MIGA2: variants seen among roughly 807,000 people sequenced by gnomAD.
The protein encoded by MIGA2 is mitoguardin 2.
MIGA2 carries 36 observed loss-of-function variants against 69.9 expected under a neutral mutation model. The ratio of observed to expected loss-of-function variants is 0.52; its 90% confidence interval spans 0.39 to 0.68. The LOEUF (loss-of-function observed/expected upper bound fraction) is 0.68, where lower values mean the gene tolerates loss of function less well. MIGA2 is among the 30% of genes least tolerant of loss of function. MIGA2 has a pLI of 0.00. For synonymous variants in MIGA2, 333 were observed against 349.2 expected, an observed-to-expected ratio of 0.95 and a Z score of 0.52; for missense variants, 660 against 787.7, an observed-to-expected ratio of 0.84 and a Z score of 1.94.
chr9:129,049,291 C>G, intron 4 of MIGA2, 90 bp from the exon 5 acceptor site: 2 of 1,249,732 alleles, frequency 1.6e-6, no homozygotes, highest in Non-Finnish European at 2.3e-6. Context: ...GCGTGTGGCC[C>G]ATGGTCAGGC....
Position 129,040,571 on chromosome 9 carries a change from T to A in MIGA2, c.-24T>A. The A allele has an allele frequency of 1.2e-6, 2 of 1,602,978 alleles. No individual in the cohort carries two copies. The highest frequency in any genetic ancestry group is 2.2e-5 in the South Asian group (2 of 90,222). On this transcript the variant is annotated 5_prime_UTR_variant, in exon 2 of 16. Transcript: ENST00000684074. ...CTTGGAAGCTCTTGGCCCTGAGGAC[T>A]TTGCCTGGGGCATTGGCCCTGCCAT...
chr9:129,060,467 G>A lies in MIGA2; in HGVS notation c.794-83G>A. The A allele has an allele frequency of 8.6e-7, 1 of 1,160,566 alleles. No homozygotes were observed. 71.9% of individuals were successfully genotyped at this position (1,160,566 alleles called of 1,614,324 possible). A position where few individuals can be genotyped will look rare whatever the true frequency, so the allele number is the denominator to read the frequency against. ...TCGGGATGAAGCCTCCCCTGGGCCTGATGGGGGACTTCGTGTACCGGGATT... is the reference window on the plus strand; with the variant it reads ...TCGGGATGAAGCCTCCCCTGGGCCTAATGGGGGACTTCGTGTACCGGGATT... On this transcript the variant is annotated intron_variant, in intron 7 of 15. Transcript: ENST00000684074. This position sits in a 1 kb window ranked among gnomAD's most constrained non-coding sequence, Gnocchi z 4.8.
chr9:129,038,789 CTTTT>C (rs869238538), intron 1 of MIGA2, among the ~76,000 whole-genome samples: 8 of 89,040 alleles, frequency 9.0e-5, no homozygotes, highest in African/African-American at 1.5e-4. Flanking sequence ...TTTTGTTTGT[CTTTT>C]TTTTTTTTTT....
At position 129,069,054 on chromosome 9, in the gene MIGA2, G is replaced by A. The variant is rs754532036; in HGVS notation, c.1405-22G>A. The stretch of plus-strand genomic sequence containing the variant: ...GGCTAGGCCCATTTTGACACCCGGG[G>A]GACATCCTATTTTTGATGTAGGCCT... On this transcript the variant is annotated intron_variant, in intron 13 of 15. Transcript: ENST00000684074. This position sits in a 1 kb window ranked among gnomAD's most constrained non-coding sequence, Gnocchi z 4.9. The A allele has an allele frequency of 2.5e-6, 4 of 1,613,744 alleles. No individual in the cohort carries two copies. Among genetic ancestry groups the A allele is most frequent in the African/African-American group, 2.7e-5 (2 of 74,910 alleles).
chr9:129,057,862 T>A (rs1052699372), intron 6 of MIGA2, among the ~76,000 whole-genome samples: 1 of 152,114 alleles, frequency 6.6e-6, no homozygotes, highest in African/African-American at 2.4e-5. Flanking sequence ...TGCCTCTGCC[T>A]TCCAAAGTGC....
At chr9:129,044,665 G>A (rs1314297413) in intron 3 of MIGA2, among the ~76,000 whole-genome samples, 1 of 151,950 alleles carries the variant, frequency 6.6e-6, no homozygotes, top group Non-Finnish European at 1.5e-5. Context: ...CGATTCTCCT[G>A]CCTCAGCCTC....
chr9:129,055,929 A>T (rs1366659832), intron 6 of MIGA2, among the ~76,000 whole-genome samples: 1 of 151,812 alleles, frequency 6.6e-6, no homozygotes, highest in African/African-American at 2.4e-5. Context: ...TGGGAGGATC[A>T]CTTGAGTCTA....
intron 1 of MIGA2, among the ~76,000 whole-genome samples, chr9:129,038,789 CTTTTTTTTT>C (rs869238538): frequency 3.4e-5 from 3 of 89,074 alleles, no homozygotes; most frequent in African/African-American, 4.9e-5. Flanking sequence ...TTTTGTTTGT[CTTTTTTTTT>C]TTTTTTTTTT....
At chr9:129,036,821 C>T (rs1297429400) in intron 1 of MIGA2, 140 bp downstream of exon 1, 2 of 455,546 alleles carry the variant, frequency 4.4e-6, no homozygotes, top group Non-Finnish European at 6.0e-6. Context: ...AGTGGGTACC[C>T]GGGCCGGGGA....
At chr9:129,066,953 C>G (rs1158019751) in intron 11 of MIGA2, among the ~76,000 whole-genome samples, 1 of 91,612 alleles carries the variant, frequency 1.1e-5, no homozygotes, top group Non-Finnish European at 2.1e-5. Context: ...GAGCGAGACT[C>G]TGTCTCAAAA....
At position 129,070,432 on chromosome 9, in the gene MIGA2, G is replaced by A. The variant is rs1261513692; in HGVS notation, c.1761G>A (p.Gly587=). ...ATGGGGCGCTGCCCCGAGAGAATGG[G>A]CCCCTGGGGGAGCTGCAGTAGAGGC... The part of the protein sequence containing the change: ...GVNGALPREN[G]PLGELQ Residue 587 remains glycine (G), a synonymous_variant, in exon 16 of 16, where the codon GGG becomes GGA. Transcript: ENST00000684074. 6.3e-7 allele frequency: 1 copy of A among 1,591,556 alleles called. No individual in the cohort carries two copies. Among genetic ancestry groups the A allele is most frequent in the South Asian group, 1.1e-5 (1 of 89,538 alleles).
Position 129,070,589 on chromosome 9 carries a change from C to A in MIGA2, c.*136C>A. 1.1e-6 allele frequency: 1 copy of A among 930,766 alleles called. No individual in the cohort carries two copies. Among genetic ancestry groups the A allele is most frequent in the Non-Finnish European group, 1.6e-6 (1 of 640,360 alleles). The allele number at this position is 930,766 out of a possible 1,614,324, so 57.7% of individuals were successfully genotyped here. ...CCATCATCTGGGAGTCCCCAAGGCC[C>A]AGAGGGGACATTTCCATGGAGAAGA... On this transcript the variant is annotated 3_prime_UTR_variant, in exon 16 of 16. Coordinates refer to ENST00000684074, the MANE Select transcript of MIGA2 (RefSeq NM_001329990.2).
intron 4 of MIGA2, 39 bp downstream of exon 4, chr9:129,048,578 G>A (rs373516994): frequency 2.8e-5 from 43 of 1,546,740 alleles, no homozygotes; most frequent in African/African-American, 9.5e-5. Flanking sequence ...CTCCAGGTCC[G>A]GGCTTACCCC....
intron 6 of MIGA2, among the ~76,000 whole-genome samples, chr9:129,056,259 A>C (rs1302609027): frequency 6.6e-6 from 1 of 151,948 alleles, no homozygotes; most frequent in African/African-American, 2.4e-5. Context: ...GTGGCTTTCC[A>C]CTGGACAGCA....
rs1457879535 is a variant in MIGA2, at chr9:129,048,528, A to G, written c.409A>G (p.Ser137Gly). The G allele has an allele frequency of 6.2e-6, 10 of 1,613,776 alleles. No individual in the cohort carries two copies. The highest frequency in any genetic ancestry group is 7.6e-6 in the Non-Finnish European group (9 of 1,179,830). ...EPSKHSGSSHSVASMMAVNSS... is the reference protein window; with the variant it reads ...EPSKHSGSSHGVASMMAVNSS... ...CAGCAAGCACTCGGGCTCCTCCCACAGTGTGGCCTCGGTGAGCAGCAGGTG... is the reference window on the plus strand; with the variant it reads ...CAGCAAGCACTCGGGCTCCTCCCACGGTGTGGCCTCGGTGAGCAGCAGGTG... Residue 137 changes from serine to glycine, a missense_variant, in exon 4 of 16, where the codon AGT (serine) becomes GGT (glycine). Physicochemically the swap from Ser to Gly is moderately conservative, Grantham distance 56 (BLOSUM62 0). Around this residue, in one of 3 missense-constraint regions of MIGA2, gnomAD observed 386 missense variants for 402.0 expected, o/e 0.96. Coordinates refer to ENST00000684074, the MANE Select transcript of MIGA2 (RefSeq NM_001329990.2).
rs1464350773 is a variant in MIGA2, at chr9:129,069,126, G to A, written c.1455G>A (p.Leu485=). Residue 485 remains leucine (L), a synonymous_variant, in exon 14 of 16, where the codon CTG becomes CTA. Transcript: ENST00000684074. This position sits in a 1 kb window ranked among gnomAD's most constrained non-coding sequence, Gnocchi z 4.9. The part of the protein sequence containing the change: ...WSVLKAKRRL[L]MVPDGFISHF... ...TCCTGAAAGCCAAGAGGAGGCTGCT[G>A]ATGGTGAGTGACTGGCAGGCCCGGG... 6.2e-7 allele frequency: 1 copy of A among 1,614,008 alleles called. No individual in the cohort carries two copies. The highest frequency in any genetic ancestry group is 2.2e-5 in the East Asian group (1 of 44,884).
chr9:129,069,039 A>C lies in MIGA2; in HGVS notation c.1405-37A>C. The C allele has an allele frequency of 1.9e-6, 3 of 1,613,646 alleles. No homozygotes were observed. Among genetic ancestry groups the C allele is most frequent in the Non-Finnish European group, 2.5e-6 (3 of 1,179,734 alleles). On this transcript the variant is annotated intron_variant, in intron 13 of 15. Transcript: ENST00000684074. The surrounding 1 kb of genome is among the most constrained non-coding windows in gnomAD (Gnocchi z 4.9). ...GGGCGAGGGGCTGTGGGCTAGGCCC[A>C]TTTTGACACCCGGGGGACATCCTAT... is the stretch of plus-strand genomic sequence containing the variant.
chr9:129,065,889 C>G (rs193190217), intron 11 of MIGA2, among the ~76,000 whole-genome samples: 6 of 152,146 alleles, frequency 3.9e-5, no homozygotes, highest in African/African-American at 9.7e-5. Context: ...GCCTCACTAC[C>G]CTGCCTCCTG....
intron 3 of MIGA2, among the ~76,000 whole-genome samples, chr9:129,044,277 C>T (rs1845087940): frequency 1.3e-5 from 2 of 152,006 alleles, no homozygotes; most frequent in South Asian, 4.2e-4. Flanking sequence ...AGGCATGAGC[C>T]ACCGTGCCTG....
Sources: allele counts gnomAD v4.1 joint callset (sites outside exome capture counted in the v4.1 genomes callset), GRCh38; gene constraint gnomAD v4.1.1; regional missense constraint gnomAD v4.1.1; non-coding constraint Gnocchi (gnomAD v3.1); transcripts MANE v1.5; gene names NCBI Gene and HGNC (gene_info 2026-07-23, HGNC 2026-07-21).